Variants in KLF7 observed in about 807,000 individuals in gnomAD.
KLF7 encodes KLF transcription factor 7.
In KLF7, 2 loss-of-function variants were observed where a neutral mutation model predicts 27.3. The observed-to-expected ratio is 0.07, with a 90% CI of 0.03 to 0.23. The LOEUF (loss-of-function observed/expected upper bound fraction) is 0.23, where lower values mean the gene tolerates loss of function less well. Ranked by LOEUF, KLF7 falls within the 10% of genes least tolerant of loss-of-function variation. The pLI is 1.00. For synonymous variants in KLF7, 165 were observed against 162.4 expected (o/e 1.02, Z -0.12); for missense variants, 221 against 394.1 (o/e 0.56, Z 3.72).
Position 207,081,055 on chromosome 2 carries a change from G to A in KLF7, c.*158C>T. ...TGTATGTGTGTGGGTCTGTGAGTGT[G>A]TGTATATGTGTGTGTGTGTGTGTGT... On this transcript the variant is annotated 3_prime_UTR_variant, in exon 4 of 4. Coordinates refer to ENST00000309446, the MANE Select transcript of KLF7 (RefSeq NM_003709.4). The A allele has an allele frequency of 1.6e-6, 1 of 609,286 alleles. No individual in the cohort carries two copies. Among genetic ancestry groups the A allele is most frequent in the South Asian group, 1.9e-5 (1 of 53,704 alleles). The allele number at this position is 609,286 out of a possible 1,614,324, so 37.7% of individuals were successfully genotyped here.
chr2:207,166,956 C>G, upstream of KLF7: 2 of 682,770 alleles, frequency 2.9e-6, no homozygotes, highest in Middle Eastern at 5.8e-4. Flanking sequence ...CGCCGCCGCC[C>G]TCCCTCCCGC....
At chr2:207,121,306 G>A (rs1403497714) in intron 2 of KLF7, among the ~76,000 whole-genome samples, 1 of 152,148 alleles carries the variant, frequency 6.6e-6, no homozygotes, top group Non-Finnish European at 1.5e-5. Flanking sequence ...CTTGTTTCTG[G>A]TTTACAAAGC....
intron 3 of KLF7, among the ~76,000 whole-genome samples, chr2:207,082,662 C>T (rs1044462968): frequency 2.0e-5 from 3 of 152,186 alleles, no homozygotes; most frequent in African/African-American, 7.2e-5. Context: ...CCCCCTGGAT[C>T]ATTCGCCTGA....
chr2:207,122,259 G>A (rs1026018833), intron 2 of KLF7, among the ~76,000 whole-genome samples: 1 of 152,136 alleles, frequency 6.6e-6, no homozygotes, highest in Non-Finnish European at 1.5e-5. Flanking sequence ...CTCTATGCCT[G>A]AGCCACGGGA....
At chr2:207,122,679 C>T (rs2254502) in intron 2 of KLF7, among the ~76,000 whole-genome samples, 57,881 of 151,964 alleles carry the variant, frequency 0.38, 11,475 homozygotes, top group African/African-American at 0.49. Context: ...CCCCTGCACA[C>T]TTCTTTGGAG....
intron 1 of KLF7, among the ~76,000 whole-genome samples, chr2:207,155,854 T>C (rs551707734): frequency 5.3e-5 from 8 of 152,292 alleles, no homozygotes; most frequent in African/African-American, 1.9e-4. Context: ...GCAGGGGGTG[T>C]TGGGGTGGAA....
chr2:207,163,675 T>C (rs2078614113), intron 1 of KLF7, among the ~76,000 whole-genome samples: 1 of 152,220 alleles, frequency 6.6e-6, no homozygotes, highest in African/African-American at 2.4e-5. Context: ...CCAACTTTCT[T>C]CCTTCTAACA....
chr2:207,164,328 C>A (rs915884093), intron 1 of KLF7, among the ~76,000 whole-genome samples: 2 of 152,168 alleles, frequency 1.3e-5, no homozygotes, highest in East Asian at 1.9e-4. Context: ...AGCCCTCCCC[C>A]CAAGGGCAAG....
At chr2:207,082,885 C>T (rs760771683) in intron 3 of KLF7, among the ~76,000 whole-genome samples, 92 of 152,132 alleles carry the variant, frequency 6.0e-4, no homozygotes, top group Non-Finnish European at 1.0e-3. Flanking sequence ...TCTCCACACC[C>T]CCTGTTTGTG....
At chr2:207,166,234 G>A, upstream of KLF7, 1 of 958,974 alleles carries the variant, frequency 1.0e-6, no homozygotes, top group Non-Finnish European at 1.2e-6. Context: ...GAGGACCAAT[G>A]GGGAGCCCGG....
intron 1 of KLF7, among the ~76,000 whole-genome samples, chr2:207,160,633 C>G (rs1220901028): frequency 2.6e-5 from 4 of 152,180 alleles, no homozygotes; most frequent in Admixed American, 2.6e-4. Context: ...AAGAAGATTG[C>G]AATGTCTTCT....
intron 1 of KLF7, among the ~76,000 whole-genome samples, chr2:207,163,600 T>C (rs1460010250): frequency 6.6e-6 from 1 of 152,230 alleles, no homozygotes; most frequent in Non-Finnish European, 1.5e-5. Flanking sequence ...GCTTTACTAC[T>C]CTGAAAACTT....
Position 207,081,226 on chromosome 2 carries a change from T to C in KLF7, c.896A>G (p.Lys299Arg). Residue 299 changes from lysine (K) to arginine (R), a missense_variant, in exon 4 of 4, where the codon AAG becomes AGG. By Grantham distance (26) the Lys-to-Arg change is conservative. Transcript: ENST00000309446. ...SRSDHLALHM[K>R]RHI ...CCTTTCGGTTTTTTAGATATGTCTC[T>C]TCATGTGGAGGGCAAGATGGTCAGA... The C allele has an allele frequency of 1.2e-6, 2 of 1,614,108 alleles. No individual in the cohort carries two copies. The highest frequency in any genetic ancestry group is 1.7e-6 in the Non-Finnish European group (2 of 1,179,970).
At position 207,124,047 on chromosome 2, in the gene KLF7, T is replaced by A; in HGVS notation, c.460A>T (p.Thr154Ser). Residue 154 changes from threonine to serine, a missense_variant, in exon 2 of 4, where the codon ACT becomes TCT. Thr to Ser is a moderately conservative substitution (Grantham distance 58). Coordinates refer to ENST00000309446, the MANE Select transcript of KLF7 (RefSeq NM_003709.4). ...ACCGTGCCATCCACGGCAGAGAGAG[T>A]TTGTGAGGTTTTGACCAGATGGCGG... Reference protein sequence around the residue: ...LSRHLVKTSQTLSAVDGTVTL... With the variant: ...LSRHLVKTSQSLSAVDGTVTL... The A allele has an allele frequency of 1.9e-6, 3 of 1,612,998 alleles. No individual in the cohort carries two copies. The highest frequency in any genetic ancestry group is 2.5e-6 in the Non-Finnish European group (3 of 1,179,730).
chr2:207,150,997 TAAAAA>T (rs34218929), intron 1 of KLF7, among the ~76,000 whole-genome samples: 8 of 90,342 alleles, frequency 8.9e-5, no homozygotes, highest in African/African-American at 3.0e-4. Context: ...TTCTCTTTAT[TAAAAA>T]AAAAAAAAAA....
At chr2:207,117,136 G>A (rs1389785474) in intron 2 of KLF7, among the ~76,000 whole-genome samples, 1 of 152,098 alleles carries the variant, frequency 6.6e-6, no homozygotes, top group Non-Finnish European at 1.5e-5. Flanking sequence ...ATCTGGAATA[G>A]GCGTCCCACA....
chr2:207,087,262 A>G (rs533551265), intron 3 of KLF7, among the ~76,000 whole-genome samples: 38 of 152,256 alleles, frequency 2.5e-4, no homozygotes, highest in Non-Finnish European at 3.2e-4. Context: ...TGGGGTCTTT[A>G]TTTAGTACTT....
chr2:207,127,514 T>C (rs1574512127), intron 1 of KLF7, among the ~76,000 whole-genome samples: 1 of 152,126 alleles, frequency 6.6e-6, no homozygotes, highest in Non-Finnish European at 1.5e-5. Flanking sequence ...CTTCCAACAT[T>C]GTTTGTAAAT....
chr2:207,092,472 G>A (rs1468866359), intron 2 of KLF7, among the ~76,000 whole-genome samples: 2 of 152,210 alleles, frequency 1.3e-5, no homozygotes, highest in Non-Finnish European at 2.9e-5. Flanking sequence ...TTTCCCTGGG[G>A]GAGTAGTATA....
Sources: allele counts gnomAD v4.1 joint callset (sites outside exome capture counted in the v4.1 genomes callset), GRCh38; gene constraint gnomAD v4.1.1; transcripts MANE v1.5; gene names NCBI Gene and HGNC (gene_info 2026-07-23, HGNC 2026-07-21).